Variants in SAMD12 observed in about 807,000 individuals in gnomAD.
SAMD12 encodes the protein sterile alpha motif domain containing 12.
A neutral mutation model predicts 15.0 loss-of-function variants in SAMD12; 9 were observed. The observed-to-expected ratio is 0.60, with a 90% CI of 0.36 to 1.05. The LOEUF is 1.05. Ranked by LOEUF, SAMD12 falls within the 50% of genes least tolerant of loss-of-function variation. SAMD12 has a pLI of 0.01. For synonymous variants in SAMD12, 86 were observed against 90.1 expected (o/e 0.96, Z 0.25); for missense variants, 230 against 234.2 (o/e 0.98, Z 0.12).
At chr8:118,308,537 C>A (rs1815459226) in intron 4 of SAMD12, among the ~76,000 whole-genome samples, 1 of 152,110 alleles carries the variant, frequency 6.6e-6, no homozygotes, top group Non-Finnish European at 1.5e-5. Flanking sequence ...GAGATATGAG[C>A]AATACTCACT....
chr8:118,181,788 G>C, the SAMD12 span, among the ~76,000 whole-genome samples: 11 of 152,196 alleles, frequency 7.2e-5, no homozygotes, highest in Non-Finnish European at 1.5e-4. Context: ...AAAGAGTCCT[G>C]ACCAATGCCC....
At chr8:118,596,513 T>A (rs1295574754) in intron 1 of SAMD12, among the ~76,000 whole-genome samples, 1 of 152,188 alleles carries the variant, frequency 6.6e-6, no homozygotes, top group Non-Finnish European at 1.5e-5. Context: ...CAATCCATTA[T>A]AATCTGGCTC....
chr8:118,507,950 A>C (rs1824966135), intron 2 of SAMD12, among the ~76,000 whole-genome samples: 1 of 145,500 alleles, frequency 6.9e-6, no homozygotes, highest in African/African-American at 2.5e-5. Context: ...AGGGAAGGTG[A>C]TGACTGTTTG....
chr8:118,203,459 T>C (rs924140531), intron 4 of SAMD12, among the ~76,000 whole-genome samples: 1 of 152,112 alleles, frequency 6.6e-6, no homozygotes, highest in Non-Finnish European at 1.5e-5. Context: ...CCCATTAAAC[T>C]GCTGAACATT....
chr8:118,255,552 T>G (rs1812918140), intron 4 of SAMD12, among the ~76,000 whole-genome samples: 3 of 129,570 alleles, frequency 2.3e-5, no homozygotes, highest in Non-Finnish European at 4.8e-5. Context: ...CCCCTTCCTG[T>G]GTCCATGTGT....
chr8:118,194,801 C>G (rs1044756350), exon 5 of SAMD12: 20 of 152,286 alleles, frequency 1.3e-4, no homozygotes, highest in African/African-American at 4.6e-4. Flanking sequence ...TGGGAGATCA[C>G]AGAGGACCAC....
rs1227035021 is a variant in SAMD12, at chr8:118,378,980, G to A, written c.*437C>T. On this transcript the variant is annotated 3_prime_UTR_variant, in exon 4 of 4. Transcript: ENST00000314727. Reference sequence around the variant, plus strand: ...ATAAAAATTATTCCACTTTCAAGAAGCTAAATGGGGTTCTTACAATCTCTA... The same window carrying A: ...ATAAAAATTATTCCACTTTCAAGAAACTAAATGGGGTTCTTACAATCTCTA... 1 of 966,782 alleles carries A rather than the reference G, an allele frequency of 1.0e-6. No homozygotes were observed. Among genetic ancestry groups the A allele is most frequent in the African/African-American group, 1.8e-5 (1 of 56,712 alleles). The allele number at this position is 966,782 out of a possible 1,614,324, so 59.9% of individuals were successfully genotyped here. A position where few individuals can be genotyped will look rare whatever the true frequency, so the allele number is the denominator to read the frequency against.
At chr8:118,199,421 T>C (rs1819651430) in intron 4 of SAMD12, among the ~76,000 whole-genome samples, 1 of 152,196 alleles carries the variant, frequency 6.6e-6, no homozygotes, top group Non-Finnish European at 1.5e-5. Context: ...AAGAACAACA[T>C]TGATTTCTAG....
rs761510466 is a variant in SAMD12, at chr8:118,439,869, C to A, written c.285G>T (p.Gln95His). The A allele has an allele frequency of 6.2e-7, 1 of 1,613,638 alleles. No homozygotes were observed. The highest frequency in any genetic ancestry group is 1.1e-5 in the South Asian group (1 of 91,076). The change falls in exon 3 of 4, where the codon CAG becomes CAT. Residue 95 changes from glutamine to histidine, a missense_variant. Gln to His is a conservative substitution (Grantham distance 24). Transcript: ENST00000314727. ...GCTGTTTGAATGACTCACTGTAGAT[C>A]TGATACTGATTCGGACAATGTTTCT... ...WLKKHCPNQY[Q>H]IYSESFKQHD...
At chr8:118,542,601 C>A (rs1247767850) in intron 2 of SAMD12, among the ~76,000 whole-genome samples, 1 of 152,192 alleles carries the variant, frequency 6.6e-6, no homozygotes, top group Middle Eastern at 3.4e-3. Flanking sequence ...CTTCCAGAAC[C>A]AAGAAACTAG....
At chr8:118,206,658 A>T (rs1019459479) in intron 4 of SAMD12, among the ~76,000 whole-genome samples, 2 of 152,236 alleles carry the variant, frequency 1.3e-5, no homozygotes, top group Admixed American at 1.3e-4. Context: ...AGAATCACTG[A>T]TGCGCTGTCT....
chr8:118,396,746 T>C (rs1365690447), intron 3 of SAMD12, among the ~76,000 whole-genome samples: 3 of 152,248 alleles, frequency 2.0e-5, no homozygotes, highest in Non-Finnish European at 4.4e-5. Context: ...AAACCATTAA[T>C]GACTTATCAT....
chr8:118,159,687 G>A, the SAMD12 span, among the ~76,000 whole-genome samples: 1 of 151,074 alleles, frequency 6.6e-6, no homozygotes, highest in African/African-American at 2.4e-5. Flanking sequence ...GTGCTTCTCT[G>A]ATACTATATA....
At chr8:118,478,264 T>C (rs901510884) in intron 2 of SAMD12, among the ~76,000 whole-genome samples, 3 of 152,178 alleles carry the variant, frequency 2.0e-5, no homozygotes, top group Non-Finnish European at 2.9e-5. Flanking sequence ...TTTTCTTCCA[T>C]CAGAGTGTTC....
At chr8:118,257,703 C>A (rs1176697943) in intron 4 of SAMD12, among the ~76,000 whole-genome samples, 1 of 152,084 alleles carries the variant, frequency 6.6e-6, no homozygotes, top group Admixed American at 6.6e-5. Flanking sequence ...GGAAACTGAT[C>A]AGTCTTAGCC....
downstream of SAMD12, among the ~76,000 whole-genome samples, chr8:118,184,903 CTTTT>C (rs5894416): frequency 0.025 from 3,561 of 141,744 alleles, 61 homozygotes; most frequent in South Asian, 0.077. Context: ...ACCATTTGTT[CTTTT>C]TTTTTTTTTT....
chr8:118,588,647 A>T (rs1827507975), intron 1 of SAMD12, among the ~76,000 whole-genome samples: 1 of 152,174 alleles, frequency 6.6e-6, no homozygotes, highest in African/African-American at 2.4e-5. Flanking sequence ...AGACTGAAAT[A>T]TTTACTGGCT....
chr8:118,371,084 C>A (rs1296649444), intron 4 of SAMD12, among the ~76,000 whole-genome samples: 7 of 152,074 alleles, frequency 4.6e-5, no homozygotes, highest in Non-Finnish European at 8.8e-5. Flanking sequence ...ATATTCATAA[C>A]AATCCTGTGA....
intron 2 of SAMD12, among the ~76,000 whole-genome samples, chr8:118,459,296 C>T (rs1823347883): frequency 6.6e-6 from 1 of 152,124 alleles, no homozygotes; most frequent in Admixed American, 6.6e-5. Context: ...AAATTCCTGA[C>T]CTCAAGTGAT....
Sources: gnomAD v4.1 joint callset for allele counts (sites outside exome capture counted in the v4.1 genomes callset) on GRCh38, gnomAD v4.1.1 for gene constraint, MANE v1.5 for transcripts, NCBI Gene and HGNC (gene_info 2026-07-23, HGNC 2026-07-21) for gene names.